Variants in ZNF124 observed in about 807,000 individuals in gnomAD.
ZNF124 encodes the protein zinc finger protein 124.
ZNF124 carries 25 observed loss-of-function variants against 26.6 expected under a neutral mutation model. The observed-to-expected ratio is 0.94, with a 90% CI of 0.68 to 1.31. The LOEUF is 1.31. Among genes scored for constraint, ZNF124 ranks in the 40% most tolerant of loss-of-function variants. ZNF124 has a pLI of 0.00. For synonymous variants in ZNF124, 129 were observed against 133.3 expected, an observed-to-expected ratio of 0.97 and a Z score of 0.22; for missense variants, 444 against 422.2, an observed-to-expected ratio of 1.05 and a Z score of -0.45.
At chr1:247,149,281 C>T (rs1003151322) in intron 3 of ZNF124, among the ~76,000 whole-genome samples, 3 of 152,110 alleles carry the variant, frequency 2.0e-5, no homozygotes, top group Non-Finnish European at 4.4e-5. Flanking sequence ...TATAAAAAAC[C>T]GTAAGGTGGC....
chr1:247,154,861 T>C (rs1164155221), downstream of ZNF124, among the ~76,000 whole-genome samples: 3 of 152,188 alleles, frequency 2.0e-5, no homozygotes, highest in African/African-American at 7.2e-5. Flanking sequence ...TAATGTGATA[T>C]ACCATGTTAA....
intron 3 of ZNF124, among the ~76,000 whole-genome samples, chr1:247,148,627 T>C (rs59236805): frequency 0.13 from 19,925 of 152,132 alleles, 1,859 homozygotes; most frequent in African/African-American, 0.25. Flanking sequence ...TTCTGCTCAG[T>C]AGATTTTGAT....
chr1:247,157,956 A>AC, intron 3 of ZNF124, among the ~76,000 whole-genome samples: 1 of 152,030 alleles, frequency 6.6e-6, no homozygotes, highest in African/African-American at 2.4e-5. Context: ...TTGTTAAAAA[A>AC]AAAAAAAAAA....
At chr1:247,141,004 G>A (rs1177027524) in intron 3 of ZNF124, among the ~76,000 whole-genome samples, 1 of 152,202 alleles carries the variant, frequency 6.6e-6, no homozygotes, top group African/African-American at 2.4e-5. Context: ...AGGCAGCAGA[G>A]GAAGGGACCT....
chr1:247,165,699 T>C (rs1219786971), intron 1 of ZNF124, among the ~76,000 whole-genome samples: 1 of 152,066 alleles, frequency 6.6e-6, no homozygotes, highest in Non-Finnish European at 1.5e-5. Context: ...GTAAGAAACT[T>C]AAATAAATTA....
Position 247,168,578 on chromosome 1 carries a change from C to A in ZNF124, c.30+3270G>T, listed in dbSNP as rs1183733080. On this transcript the variant is annotated intron_variant, in intron 1 of 3. Transcript: ENST00000543802. This position sits in a 1 kb window ranked among gnomAD's most constrained non-coding sequence, Gnocchi z 4.0. ...AAAAACACTTGCACACGCATGTTAA[C>A]AGTAGCACAATTTGCCACTGCAAAA... Among the ~76,000 whole-genome samples the A allele has an allele frequency of 6.6e-6, 1 of 152,140 alleles. No homozygotes were observed. The highest frequency in any genetic ancestry group is 2.4e-5 in the African/African-American group (1 of 41,400).
At chr1:247,137,768 A>C (rs1261888345) in intron 3 of ZNF124, among the ~76,000 whole-genome samples, 1 of 152,142 alleles carries the variant, frequency 6.6e-6, no homozygotes, top group African/African-American at 2.4e-5. Flanking sequence ...TACAAGAAAA[A>C]ACAAAAAACT....
chr1:247,134,862 C>T (rs1672446997), intron 3 of ZNF124, among the ~76,000 whole-genome samples: 1 of 152,192 alleles, frequency 6.6e-6, no homozygotes, highest in Non-Finnish European at 1.5e-5. Flanking sequence ...TAAGACACTT[C>T]TTAGCAAATG....
chr1:247,157,988 G>A (rs905357139), intron 3 of ZNF124, among the ~76,000 whole-genome samples: 5 of 151,076 alleles, frequency 3.3e-5, no homozygotes, highest in East Asian at 1.9e-4. Flanking sequence ...GGTGGCTCAC[G>A]CCTGTAATCC....
chr1:247,133,007 T>C (rs1396775489), intron 3 of ZNF124, among the ~76,000 whole-genome samples: 3 of 152,154 alleles, frequency 2.0e-5, no homozygotes, highest in Non-Finnish European at 2.9e-5. Flanking sequence ...TGGCTCCTCC[T>C]GCTACAAAAG....
At chr1:247,140,586 G>A (rs1163418920) in intron 3 of ZNF124, among the ~76,000 whole-genome samples, 2 of 152,200 alleles carry the variant, frequency 1.3e-5, no homozygotes, top group Non-Finnish European at 2.9e-5. Context: ...TCTTTCTCAT[G>A]TCTGCAGGTG....
Position 247,155,997 on chromosome 1 carries a change from T to C in ZNF124, c.*569A>G, listed in dbSNP as rs1673110037. On this transcript the variant is annotated 3_prime_UTR_variant, in exon 4 of 4. Transcript: ENST00000543802. ...TAGCTCCTAAAACATCTCATTCACA[T>C]AGTGAATTTTCTTGAGAATTGTACT... 5 of 939,566 alleles carry C rather than the reference T, an allele frequency of 5.3e-6. No individual in the cohort carries two copies. In the South Asian group the frequency reaches 2.5e-4, roughly 46 times the overall value. The allele number at this position is 939,566 out of a possible 1,614,324, so 58.2% of individuals were successfully genotyped here.
chr1:247,162,647 A>C (rs1673549254), intron 1 of ZNF124, among the ~76,000 whole-genome samples: 2 of 151,370 alleles, frequency 1.3e-5, no homozygotes, highest in African/African-American at 4.9e-5. Flanking sequence ...AGGGATTACT[A>C]GTCAAATTTC....
exon 4 of ZNF124, chr1:247,123,490 C>T (rs887154586): frequency 1.1e-4 from 19 of 177,854 alleles, no homozygotes; most frequent in Non-Finnish European, 1.6e-4. Context: ...CCACTGCGCC[C>T]GGCCTACGTG....
intron 3 of ZNF124, among the ~76,000 whole-genome samples, chr1:247,124,927 AG>A (rs1207122631): frequency 6.6e-6 from 1 of 151,658 alleles, no homozygotes; most frequent in Non-Finnish European, 1.5e-5. Context: ...GCCTCCCAAT[AG>A]CTGGGACTAC....
chr1:247,168,169 A>T lies in ZNF124; in HGVS notation c.30+3679T>A, dbSNP rs1673887350. ...GAAGATTCCTTAAAGAACTAAAAGTAGAACTACCATTCAATCCAGCAATGC... is the reference window on the plus strand; with the variant it reads ...GAAGATTCCTTAAAGAACTAAAAGTTGAACTACCATTCAATCCAGCAATGC... On this transcript the variant is annotated intron_variant, in intron 1 of 3. Coordinates refer to ENST00000543802, the MANE Select transcript of ZNF124 (RefSeq NM_001297568.2). This position sits in a 1 kb window ranked among gnomAD's most constrained non-coding sequence, Gnocchi z 4.0. Among the ~76,000 whole-genome samples the T allele has an allele frequency of 6.6e-6, 1 of 152,242 alleles. No homozygotes were observed. Among genetic ancestry groups the T allele is most frequent in the South Asian group, 2.1e-4 (1 of 4,836 alleles).
rs1673153250 is a variant in ZNF124 at position 247,156,687 on chromosome 1, T to C, written c.935A>G (p.His312Arg). The C allele has an allele frequency of 6.2e-7, 1 of 1,613,838 alleles. No homozygotes were observed. The highest frequency in any genetic ancestry group is 8.5e-7 in the Non-Finnish European group (1 of 1,179,948). Residue 312 changes from histidine to arginine, a missense_variant, in exon 4 of 4, where the codon CAT (histidine) becomes CGT (arginine). Transcript: ENST00000543802. ...SSSLRDHERTHTGEKPYECQK... is the reference protein window; with the variant it reads ...SSSLRDHERTRTGEKPYECQK... ...ACATTCATAGGGTTTCTCTCCAGTATGAGTCCTTTCATGGTCACGAAGGGA... is the reference window on the plus strand; with the variant it reads ...ACATTCATAGGGTTTCTCTCCAGTACGAGTCCTTTCATGGTCACGAAGGGA...
At chr1:247,154,548 C>T (rs553390319), downstream of ZNF124, among the ~76,000 whole-genome samples, 1 of 152,184 alleles carries the variant, frequency 6.6e-6, no homozygotes, top group South Asian at 2.1e-4. Context: ...GTATATAGCA[C>T]TATAAACTAT....
At chr1:247,154,770 A>C (rs1181398884), downstream of ZNF124, among the ~76,000 whole-genome samples, 2 of 152,212 alleles carry the variant, frequency 1.3e-5, no homozygotes, top group Non-Finnish European at 2.9e-5. Flanking sequence ...AGGGCAAGGC[A>C]GGAGAATCAC....
Sources: allele counts gnomAD v4.1 joint callset (sites outside exome capture counted in the v4.1 genomes callset), GRCh38; gene constraint gnomAD v4.1.1; non-coding constraint Gnocchi (gnomAD v3.1); transcripts MANE v1.5; gene names NCBI Gene and HGNC (gene_info 2026-07-23, HGNC 2026-07-21).